The following PLEKHH2 variants were observed in gnomAD, a reference collection of about 807,000 sequenced individuals.
PLEKHH2 encodes the protein pleckstrin homology, MyTH4 and FERM domain containing H2.
In PLEKHH2, 129 loss-of-function variants were observed where a neutral mutation model predicts 187.9. The ratio of observed to expected loss-of-function variants is 0.69; its 90% CI spans 0.59 to 0.79. The LOEUF is 0.79. Among genes scored for constraint, PLEKHH2 ranks in the 30% least tolerant of loss-of-function variants. The pLI is 0.00. For missense variants in PLEKHH2, 2,076 were observed against 1,751.2 expected (o/e 1.19, Z -3.31); for synonymous variants, 686 against 605.6 (o/e 1.13, Z -1.95).
At chr2:43,650,535 G>T (rs997890686) in intron 2 of PLEKHH2, among the ~76,000 whole-genome samples, 9 of 152,020 alleles carry the variant, frequency 5.9e-5, no homozygotes, top group Non-Finnish European at 1.2e-4. Context: ...CATGAATATT[G>T]TCTGCATTGC....
intron 2 of PLEKHH2, among the ~76,000 whole-genome samples, chr2:43,650,043 G>C (rs1302501645): frequency 6.6e-6 from 1 of 150,828 alleles, no homozygotes; most frequent in African/African-American, 2.4e-5. Flanking sequence ...AGAATTTGCT[G>C]CTTCATTTTG....
intron 23 of PLEKHH2, among the ~76,000 whole-genome samples, chr2:43,744,867 CA>C (rs774106764): frequency 0.044 from 3,601 of 82,758 alleles, 102 homozygotes; most frequent in African/African-American, 0.12. Context: ...GACTGTCTCA[CA>C]AAAAAAAAAA....
Position 43,756,893 on chromosome 2 carries a change from G to A in PLEKHH2, c.3796-226G>A, listed in dbSNP as rs537536148. 1.8e-3 allele frequency among the ~76,000 whole-genome samples: 277 copies of A among 152,182 alleles called. 2 individuals are homozygous for A. Among genetic ancestry groups the A allele is most frequent in the Middle Eastern group, 6.8e-3 (2 of 294 alleles). On this transcript the variant is annotated intron_variant, in intron 25 of 29. Coordinates refer to ENST00000282406, the MANE Select transcript of PLEKHH2 (RefSeq NM_172069.4). Reference sequence around the variant, plus strand: ...GAACCTGGGAGGCAGAGGTTGCAATGAGCCTGGGTGACAGAGTGAGACTCC... The same window carrying A: ...GAACCTGGGAGGCAGAGGTTGCAATAAGCCTGGGTGACAGAGTGAGACTCC...
intron 19 of PLEKHH2, among the ~76,000 whole-genome samples, chr2:43,732,904 A>C (rs13412831): frequency 0.18 from 27,731 of 152,210 alleles, 2,983 homozygotes; most frequent in Admixed American, 0.29. Flanking sequence ...GTCTGACGCC[A>C]ATAAAAATTC....
chr2:43,699,839 G>A lies in PLEKHH2; in HGVS notation c.881G>A (p.Ser294Asn), dbSNP rs1489161416. 2 of 1,612,138 alleles carry A rather than the reference G, an allele frequency of 1.2e-6. No homozygotes were observed. Among genetic ancestry groups the A allele is most frequent in the Non-Finnish European group, 1.7e-6 (2 of 1,178,208 alleles). ...SDWSSDEEDG[S>N]KGRSKSRCTS... ...TGGAGCTCTGATGAGGAAGACGGGA[G>A]CAAAGGAAGATCCAAGTCCAGATGC... Residue 294 changes from serine (S) to asparagine (N), a missense_variant, in exon 8 of 30, where the codon AGC becomes AAC. Transcript: ENST00000282406.
At chr2:43,660,470 T>C (rs1027454017) in intron 2 of PLEKHH2, among the ~76,000 whole-genome samples, 3 of 148,830 alleles carry the variant, frequency 2.0e-5, no homozygotes, top group Non-Finnish European at 4.4e-5. Context: ...TTAAGGAATT[T>C]ATTTTTTTTT....
intron 9 of PLEKHH2, 143 bp downstream of exon 9, chr2:43,704,199 C>A: frequency 1.7e-6 from 1 of 582,230 alleles, no homozygotes; most frequent in Non-Finnish European, 2.9e-6. Flanking sequence ...GGGTCAAATT[C>A]ATAGGAATAG....
chr2:43,676,578 T>G (rs1432155654), intron 2 of PLEKHH2, among the ~76,000 whole-genome samples: 2 of 151,082 alleles, frequency 1.3e-5, no homozygotes, highest in African/African-American at 4.9e-5. Context: ...GCAATAAAGT[T>G]GAAAATGAGC....
chr2:43,734,864 A>T (rs1671214009), intron 19 of PLEKHH2, among the ~76,000 whole-genome samples: 1 of 152,206 alleles, frequency 6.6e-6, no homozygotes, highest in South Asian at 2.1e-4. Flanking sequence ...TCATCAGTAG[A>T]TGAATGGATA....
chr2:43,723,162 A>G (rs13398675), intron 16 of PLEKHH2, among the ~76,000 whole-genome samples: 26,881 of 152,178 alleles, frequency 0.18, 2,813 homozygotes, highest in Middle Eastern at 0.29. Flanking sequence ...GTTATGTATT[A>G]TCATAGTATT....
chr2:43,647,769 G>T lies in PLEKHH2; in HGVS notation c.123+2973G>T, dbSNP rs77570999. Among the ~76,000 whole-genome samples, 428 of 152,218 alleles carry T rather than the reference G, an allele frequency of 2.8e-3. 16 individuals carry two copies. The East Asian group carries it at 0.076, about 27-fold the overall frequency. On this transcript the variant is annotated intron_variant, in intron 2 of 29. Transcript: ENST00000282406. ...CTCTATACCTTCCCCCTAAATGGAT[G>T]CAGGCCCAAGGGTGAAGATTCTTGA...
chr2:43,697,015 T>C (rs2104476634), intron 6 of PLEKHH2, among the ~76,000 whole-genome samples, 156 bp from the exon 7 acceptor site: 1 of 152,352 alleles, frequency 6.6e-6, no homozygotes, highest in Non-Finnish European at 1.5e-5. Context: ...TGCTTGTCAT[T>C]GAAGGTTCTA....
chr2:43,715,475 A>T (rs970163692), intron 15 of PLEKHH2, among the ~76,000 whole-genome samples: 5 of 152,182 alleles, frequency 3.3e-5, no homozygotes, highest in African/African-American at 1.2e-4. Context: ...CATGTTGCTA[A>T]CAGATTACTC....
chr2:43,715,298 A>T (rs1031802179), intron 15 of PLEKHH2, among the ~76,000 whole-genome samples: 1 of 152,154 alleles, frequency 6.6e-6, no homozygotes, highest in Non-Finnish European at 1.5e-5. Flanking sequence ...AAAGAAAAAA[A>T]AAATCTCGAA....
At chr2:43,726,582 A>T in intron 17 of PLEKHH2, 131 bp downstream of exon 17, 1 of 781,760 alleles carries the variant, frequency 1.3e-6, no homozygotes, top group Non-Finnish European at 2.0e-6. Flanking sequence ...CTCTGTTTTC[A>T]GAGATTCTTT....
At chr2:43,648,600 T>TGTGA (rs769325793) in intron 2 of PLEKHH2, among the ~76,000 whole-genome samples, 4 of 143,756 alleles carry the variant, frequency 2.8e-5, no homozygotes, top group African/African-American at 1.0e-4. Context: ...TGTGTGTGTG[T>TGTGA]GACGGGGTCC....
chr2:43,728,260 C>A (rs1013110243), intron 17 of PLEKHH2, among the ~76,000 whole-genome samples: 2 of 151,830 alleles, frequency 1.3e-5, no homozygotes, highest in African/African-American at 4.8e-5. Flanking sequence ...AGGTGGATCA[C>A]CTGAGGTCAG....
At chr2:43,641,766 G>A (rs1665945909) in intron 1 of PLEKHH2, among the ~76,000 whole-genome samples, 1 of 152,072 alleles carries the variant, frequency 6.6e-6, no homozygotes, top group Non-Finnish European at 1.5e-5. Flanking sequence ...TTCCCCCATT[G>A]GATGATCTTA....
rs1438912233 is a variant in PLEKHH2, at chr2:43,758,987, C to G, written c.4029C>G (p.Ala1343=). The G allele has an allele frequency of 4.3e-6, 7 of 1,612,554 alleles. No homozygotes were observed. The Admixed American group carries it at 1.0e-4, about 23-fold the overall frequency. Residue 1343 remains alanine, a synonymous_variant, in exon 27 of 30, where the codon GCC becomes GCG. Coordinates refer to ENST00000282406, the MANE Select transcript of PLEKHH2 (RefSeq NM_172069.4). ...ADCVRIYLTV[A]RKWPFFGAKL... ...GTGTGCGCATTTATTTGACAGTAGC[C>G]AGGAAGTGGCCATTCTTTGGTGCCA... is the stretch of plus-strand genomic sequence containing the variant.
Sources: gnomAD v4.1 joint callset for allele counts (sites outside exome capture counted in the v4.1 genomes callset) on GRCh38, gnomAD v4.1.1 for gene constraint, MANE v1.5 for transcripts, NCBI Gene and HGNC (gene_info 2026-07-23, HGNC 2026-07-21) for gene names.